PXDNL: variants seen among roughly 807,000 people sequenced by gnomAD.
The protein encoded by PXDNL is probable oxidoreductase PXDNL.
In PXDNL, 145 loss-of-function variants were observed where a neutral mutation model predicts 150.8. The ratio of observed to expected loss-of-function variants is 0.96; its 90% confidence interval spans 0.84 to 1.10. The LOEUF is 1.10. Among genes scored for constraint, PXDNL ranks in the 50% least tolerant of loss-of-function variants. PXDNL has a pLI of 0.00. For synonymous variants in PXDNL, 757 were observed against 725.7 expected (o/e 1.04, Z -0.69); for missense variants, 2,087 against 1,873.9 (o/e 1.11, Z -2.10).
At chr8:51,666,719 C>G (rs1815395156) in intron 1 of PXDNL, among the ~76,000 whole-genome samples, 1 of 152,180 alleles carries the variant, frequency 6.6e-6, no homozygotes, top group South Asian at 2.1e-4. Context: ...CATGCAGCTA[C>G]CAAGTCCTCT....
In PXDNL at chr8:51,743,743, C is replaced by T. The variant is rs1200282376; in HGVS notation, c.164+65438G>A. Reference sequence around the variant, plus strand: ...TTTGGTCAGGCTGGTCTCAAACTCCCGACCTCAAGCAATCCACCAGCCTTG... The same window carrying T: ...TTTGGTCAGGCTGGTCTCAAACTCCTGACCTCAAGCAATCCACCAGCCTTG... On this transcript the variant is annotated intron_variant, in intron 1 of 22. Coordinates refer to ENST00000356297, the MANE Select transcript of PXDNL (RefSeq NM_144651.5). Among the ~76,000 whole-genome samples the T allele has an allele frequency of 4.6e-5, 7 of 151,992 alleles. No individual in the cohort carries two copies. In the East Asian group the frequency reaches 5.8e-4, roughly 13 times the overall value.
At chr8:51,721,114 G>A (rs575268438) in intron 1 of PXDNL, among the ~76,000 whole-genome samples, 1 of 152,302 alleles carries the variant, frequency 6.6e-6, no homozygotes, top group South Asian at 2.1e-4. Context: ...TTGGCTCCAG[G>A]TTGAGCTTCA....
At position 51,661,404 on chromosome 8, in the gene PXDNL, G is replaced by A. The variant is rs781277084; in HGVS notation, c.165-6644C>T. 2.0e-5 allele frequency among the ~76,000 whole-genome samples: 3 copies of A among 152,272 alleles called. No homozygotes were observed. In the South Asian group the frequency reaches 6.2e-4, roughly 32 times the overall value. ...AACCAGTCTAGATTTTGCTCTGAAG[G>A]TATTTTTTACAATATTATTAATATT... On this transcript the variant is annotated intron_variant, in intron 1 of 22. Coordinates refer to ENST00000356297, the MANE Select transcript of PXDNL (RefSeq NM_144651.5).
chr8:51,740,797 C>T (rs1421935017), intron 1 of PXDNL, among the ~76,000 whole-genome samples: 1 of 151,996 alleles, frequency 6.6e-6, no homozygotes, highest in Non-Finnish European at 1.5e-5. Flanking sequence ...GTCTTGCATC[C>T]CGGTGATGAA....
chr8:51,461,839 TC>T (rs1345251923), intron 8 of PXDNL, among the ~76,000 whole-genome samples: 1 of 152,092 alleles, frequency 6.6e-6, no homozygotes, highest in Non-Finnish European at 1.5e-5. Context: ...ACTTCCTGTC[TC>T]CCCCACCCCT....
intron 1 of PXDNL, among the ~76,000 whole-genome samples, chr8:51,787,812 G>T (rs2037474786): frequency 6.6e-6 from 1 of 152,172 alleles, no homozygotes; most frequent in Non-Finnish European, 1.5e-5. Flanking sequence ...CTATCAGACA[G>T]CCTCACATGC....
chr8:51,577,593 C>CAT (rs35173075), intron 3 of PXDNL, among the ~76,000 whole-genome samples: 13,093 of 142,128 alleles, frequency 0.092, 914 homozygotes, highest in East Asian at 0.23. Flanking sequence ...TATCTATCTA[C>CAT]ATATATATAT....
intron 1 of PXDNL, among the ~76,000 whole-genome samples, chr8:51,668,287 G>A (rs1414835711): frequency 6.9e-6 from 1 of 144,990 alleles, no homozygotes; most frequent in Non-Finnish European, 1.5e-5. Flanking sequence ...CAATTCTCCT[G>A]CCTCAGCCTC....
At chr8:51,654,955 T>A (rs964333361) in intron 1 of PXDNL, among the ~76,000 whole-genome samples, 195 bp from the exon 2 acceptor site, 6 of 152,208 alleles carry the variant, frequency 3.9e-5, no homozygotes, top group African/African-American at 1.4e-4. Flanking sequence ...AAATTTTGCA[T>A]CTCTGGGGCC....
At chr8:51,465,215 A>G (rs1050908043) in intron 8 of PXDNL, among the ~76,000 whole-genome samples, 1 of 152,186 alleles carries the variant, frequency 6.6e-6, no homozygotes, top group Non-Finnish European at 1.5e-5. Context: ...ATGACCAAGT[A>G]GGCTTTATTC....
At chr8:51,656,606 T>A (rs756840976) in intron 1 of PXDNL, among the ~76,000 whole-genome samples, 1 of 152,162 alleles carries the variant, frequency 6.6e-6, no homozygotes, top group Non-Finnish European at 1.5e-5. Context: ...GAGATTCCAA[T>A]ACAACAAGGA....
chr8:51,339,538 A>G (rs1213521664), intron 21 of PXDNL, 86 bp downstream of exon 21: 3 of 1,321,700 alleles, frequency 2.3e-6, no homozygotes, highest in Non-Finnish European at 3.2e-6. Context: ...CTGTGCTGTA[A>G]TTGTGGAGAG....
chr8:51,604,528 T>G (rs1813799670), intron 2 of PXDNL, among the ~76,000 whole-genome samples: 1 of 152,100 alleles, frequency 6.6e-6, no homozygotes, highest in South Asian at 2.1e-4. Context: ...AGGGATAGCA[T>G]TAGGAGATAT....
chr8:51,722,059 T>A (rs183171762), intron 1 of PXDNL: 1 of 187,228 alleles, frequency 5.3e-6, no homozygotes, highest in African/African-American at 2.4e-5. Flanking sequence ...GCTGCTGCTG[T>A]TCTACGGACC....
At chr8:51,409,960 C>A (rs1808580515) in intron 16 of PXDNL, among the ~76,000 whole-genome samples, 1 of 152,340 alleles carries the variant, frequency 6.6e-6, no homozygotes, top group African/African-American at 2.4e-5. Flanking sequence ...TGCCAGCCAG[C>A]TCCTAACTTC....
intron 19 of PXDNL, among the ~76,000 whole-genome samples, chr8:51,358,802 A>G (rs373641925): frequency 1.1e-3 from 173 of 152,242 alleles, no homozygotes; most frequent in African/African-American, 3.9e-3. Context: ...GTGGCATAGG[A>G]ATATAGAGGC....
At chr8:51,620,547 CTT>C (rs1222556097) in intron 2 of PXDNL, among the ~76,000 whole-genome samples, 8 of 144,878 alleles carry the variant, frequency 5.5e-5, no homozygotes, top group Non-Finnish European at 6.1e-5. Flanking sequence ...AACTCAATCA[CTT>C]TTTTTTTTTT....
chr8:51,623,897 C>A (rs1814308909), intron 2 of PXDNL, among the ~76,000 whole-genome samples: 1 of 151,966 alleles, frequency 6.6e-6, no homozygotes, highest in African/African-American at 2.4e-5. Flanking sequence ...AGTTGGAGAC[C>A]AGCCTGGTCA....
At chr8:51,671,618 C>G (rs1372273169) in intron 1 of PXDNL, among the ~76,000 whole-genome samples, 1 of 152,192 alleles carries the variant, frequency 6.6e-6, no homozygotes, top group Non-Finnish European at 1.5e-5. Context: ...CTAAGTGGAA[C>G]TGTTCTTCAG....
Sources: allele counts gnomAD v4.1 joint callset (sites outside exome capture counted in the v4.1 genomes callset), GRCh38; gene constraint gnomAD v4.1.1; transcripts MANE v1.5; gene names NCBI Gene and HGNC (gene_info 2026-07-23, HGNC 2026-07-21).